Variants in PORCN observed in about 807,000 individuals in gnomAD.
PORCN encodes porcupine O-acyltransferase.
A neutral mutation model predicts 43.0 loss-of-function variants in PORCN; 1 was observed. The observed-to-expected ratio is 0.02, with a 90% CI of 0.01 to 0.11. The LOEUF is 0.11. Among genes scored for constraint, PORCN ranks in the 10% least tolerant of loss-of-function variants. The probability of loss-of-function intolerance (pLI) is 1.00; values close to 1 mark genes in which losing one functional copy is unlikely to be tolerated. For synonymous variants in PORCN, 148 were observed against 166.4 expected (o/e 0.89, Z 0.85); for missense variants, 240 against 392.1 (o/e 0.61, Z 3.28).
At chrX:48,509,657 A>G in intron 1 of PORCN, 127 bp from the exon 2 acceptor site, 1 of 1,149,416 alleles carries the variant, frequency 8.7e-7, no homozygotes, top group Non-Finnish European at 1.2e-6. Flanking sequence ...GCCTTCCCCC[A>G]GTCCTCCAGT....
chrX:48,520,271 C>T lies in PORCN; in HGVS notation c.1285-104C>T, dbSNP rs186695261. ...ATGTACCTAGGCCCTTCTGCGGGGC[C>T]TCGCCTAGAGCAGTCACAGAAATGT... On this transcript the variant is annotated intron_variant, in intron 14 of 14. Coordinates refer to ENST00000326194, the MANE Select transcript of PORCN (RefSeq NM_203475.3). The T allele has an allele frequency of 8.1e-5, 49 of 604,764 alleles. No homozygotes were observed. The South Asian group carries it at 8.3e-4, about 10-fold the overall frequency. The allele number at this position is 604,764 out of a possible 1,213,427, so 49.8% of individuals were successfully genotyped here.
Position 48,518,820 on chromosome X carries a change from C to CT in PORCN, c.1284+1539dup, listed in dbSNP as rs1250444861. Among the ~76,000 whole-genome samples, 660 of 101,083 alleles carry CT rather than the reference C, an allele frequency of 6.5e-3. 1 individual carries two copies. The highest frequency in any genetic ancestry group is 0.014 in the African/African-American group (386 of 28,074). The allele number at this position is 101,083 out of a possible 115,157, so 87.8% of individuals were successfully genotyped here. On this transcript the variant is annotated intron_variant, in intron 14 of 14. Coordinates refer to ENST00000326194, the MANE Select transcript of PORCN (RefSeq NM_203475.3). ...TGTGCAAAATCTGGGATTTGCTTTTCTTTTTTTTTTTTGAGACACGGTCTC... is the reference window on the plus strand; with the variant it reads ...TGTGCAAAATCTGGGATTTGCTTTTCTTTTTTTTTTTTTGAGACACGGTCTC...
rs1556975122 is a variant in PORCN at position 48,515,747 on chromosome X, C to T, written c.977C>T (p.Thr326Ile). ...TTCAAGAATGCTCTCCGCCTGGGGA[C>T]CTTCTCGGCTGTGCTGGTCACCTAT... The part of the protein sequence containing the change: ...YVFKNALRLG[T>I]FSAVLVTYAA... The change falls in exon 11 of 15, where the codon ACC becomes ATC. Residue 326 changes from threonine (T) to isoleucine (I), a missense_variant. Physicochemically the swap from Thr to Ile is moderately conservative, Grantham distance 89. Coordinates refer to ENST00000326194, the MANE Select transcript of PORCN (RefSeq NM_203475.3). 8.3e-7 allele frequency: 1 copy of T among 1,207,596 alleles called. No individual in the cohort carries two copies. The highest frequency in any genetic ancestry group is 1.8e-5 in the African/African-American group (1 of 56,462).
Position 48,520,490 on chromosome X carries a change from ACCCTCATAACCCTCTTAAGAC to A in PORCN, c.*20_*40del, listed in dbSNP as rs1207506905. On this transcript the variant is annotated 3_prime_UTR_variant, in exon 15 of 15. Transcript: ENST00000326194. ...CTCATAGGCTGAGGCACATCTGTGG[ACCCTCATAACCCTCTTAAGAC>A]CCCTCTCAGGGTGCCACTGATGGGG... 6 of 1,131,746 alleles carry A rather than the reference ACCCTCATAACCCTCTTAAGAC, an allele frequency of 5.3e-6. No homozygotes were observed. The highest frequency in any genetic ancestry group is 1.8e-5 in the African/African-American group (1 of 55,243). The allele number at this position is 1,131,746 out of a possible 1,213,427, so 93.3% of individuals were successfully genotyped here. A position where few individuals can be genotyped will look rare whatever the true frequency, so the allele number is the denominator to read the frequency against.
chrX:48,519,157 A>G (rs970910022), intron 14 of PORCN, among the ~76,000 whole-genome samples: 2 of 110,938 alleles, frequency 1.8e-5, no homozygotes, highest in South Asian at 3.8e-4. Context: ...GGGTTTCACC[A>G]TGTTAGCCAG....
At position 48,509,837 on chromosome X, in the gene PORCN, G is replaced by A. The variant is rs1409621929; in HGVS notation, c.17G>A (p.Arg6His). 1.7e-6 allele frequency: 2 copies of A among 1,209,529 alleles called. No homozygotes were observed. The highest frequency in any genetic ancestry group is 3.5e-5 in the African/African-American group (2 of 57,159). Residue 6 changes from arginine to histidine, a missense_variant, in exon 2 of 15, where the codon CGC (arginine) becomes CAC (histidine). By Grantham distance (29) the Arg-to-His change is conservative. Coordinates refer to ENST00000326194, the MANE Select transcript of PORCN (RefSeq NM_203475.3). Reference sequence around the variant, plus strand: ...GGGTCTGCAATGGCCACCTTTAGCCGCCAGGAATTTTTCCAGCAGCTACTG... The same window carrying A: ...GGGTCTGCAATGGCCACCTTTAGCCACCAGGAATTTTTCCAGCAGCTACTG... The part of the protein sequence containing the change: MATFS[R>H]QEFFQQLLQG...
At chrX:48,514,487 A>C in intron 9 of PORCN, 38 bp from the exon 10 acceptor site, 3 of 1,192,374 alleles carry the variant, frequency 2.5e-6, no homozygotes, top group Non-Finnish European at 3.4e-6. Flanking sequence ...AGATGAGTTG[A>C]GATCCCAAAT....
At chrX:48,514,409 G>C (rs1322612695) in intron 9 of PORCN, 44 bp downstream of exon 9, 6 of 1,198,997 alleles carry the variant, frequency 5.0e-6, no homozygotes, top group Non-Finnish European at 6.8e-6. Flanking sequence ...GTGCTGCCTA[G>C]AGGAGCTGCA....
At chrX:48,513,066 T>C (rs1479146277) in intron 7 of PORCN, among the ~76,000 whole-genome samples, 2 of 112,587 alleles carry the variant, frequency 1.8e-5, no homozygotes, top group East Asian at 2.8e-4. Context: ...GTCCATCTGT[T>C]CAGCTGTCTC....
At chrX:48,514,687 C>T in intron 10 of PORCN, 62 bp downstream of exon 10, 5 of 940,163 alleles carry the variant, frequency 5.3e-6, no homozygotes, top group Non-Finnish European at 7.7e-6. Flanking sequence ...TACATTCATA[C>T]AACATTTACT....
chrX:48,512,565 T>C, intron 5 of PORCN, 24 bp from the exon 6 acceptor site: 1 of 1,210,019 alleles, frequency 8.3e-7, no homozygotes, highest in Non-Finnish European at 1.1e-6. Flanking sequence ...GGGGCAGCAC[T>C]CATGGAGTGC....
At chrX:48,511,835 C>T (rs1209841850) in intron 3 of PORCN, 57 bp from the exon 4 acceptor site, 22 of 1,090,742 alleles carry the variant, frequency 2.0e-5, no homozygotes, top group Middle Eastern at 2.4e-4. Flanking sequence ...CCCCTGTCCC[C>T]CATGGTCTCA....
chrX:48,512,740 C>T, intron 6 of PORCN, 21 bp downstream of exon 6: 3 of 1,212,371 alleles, frequency 2.5e-6, no homozygotes, highest in Non-Finnish European at 3.3e-6. Flanking sequence ...CCTTCGAGGC[C>T]CCTGCCCAGC....
chrX:48,513,765 T>C (rs1257306882), intron 7 of PORCN, among the ~76,000 whole-genome samples: 1 of 112,377 alleles, frequency 8.9e-6, no homozygotes, highest in Non-Finnish European at 1.9e-5. Flanking sequence ...CAGGGATTTT[T>C]GGCTGTCCTG....
At position 48,511,458 on chromosome X, in the gene PORCN, C is replaced by A; in HGVS notation, c.300C>A (p.Ser100=). The part of the protein sequence containing the change: ...RHSSHRGVFL[S]VTILIYLLMG... ...CCTCCCATCGAGGCGTCTTCCTATCCGTCACCATCCTCATCTACCTACTCA... is the reference window on the plus strand; with the variant it reads ...CCTCCCATCGAGGCGTCTTCCTATCAGTCACCATCCTCATCTACCTACTCA... The change falls in exon 3 of 15, where the codon TCC becomes TCA. Residue 100 remains serine, a synonymous_variant. Coordinates refer to ENST00000326194, the MANE Select transcript of PORCN (RefSeq NM_203475.3). The A allele has an allele frequency of 1.7e-6, 2 of 1,210,662 alleles. No homozygotes were observed. The highest frequency in any genetic ancestry group is 2.2e-6 in the Non-Finnish European group (2 of 894,570).
chrX:48,512,385 G>A lies in PORCN; in HGVS notation c.433G>A (p.Glu145Lys), dbSNP rs1556974116. 12 of 1,210,322 alleles carry A rather than the reference G, an allele frequency of 9.9e-6. No individual in the cohort carries two copies. Among genetic ancestry groups the A allele is most frequent in the South Asian group, 3.5e-5 (2 of 56,838 alleles). Residue 145 changes from glutamate (E) to lysine (K), a missense_variant, in exon 5 of 15, where the codon GAG becomes AAG. By Grantham distance (56) the Glu-to-Lys change is moderately conservative. Coordinates refer to ENST00000326194, the MANE Select transcript of PORCN (RefSeq NM_203475.3). Reference protein sequence around the residue: ...VSLGFDLDRGEVGTVPSPVEF... With the variant: ...VSLGFDLDRGKVGTVPSPVEF... ...TCTGGGCTTCGACCTGGACCGGGGCGAGGTGGGTACGGTGCCCTCGCCAGT... is the reference window on the plus strand; with the variant it reads ...TCTGGGCTTCGACCTGGACCGGGGCAAGGTGGGTACGGTGCCCTCGCCAGT...
At chrX:48,509,353 C>T (rs3810679) in intron 1 of PORCN, 92,695 of 281,446 alleles carry the variant, frequency 0.33, 13,342 homozygotes, top group African/African-American at 0.52. Context: ...CCCGTGCCGC[C>T]GCATCCATAC....
At chrX:48,517,778 C>T (rs2061729670) in intron 14 of PORCN, among the ~76,000 whole-genome samples, 1 of 110,987 alleles carries the variant, frequency 9.0e-6, no homozygotes. Flanking sequence ...CATGCCACTG[C>T]ACTCCAGCCT....
rs2061742903 is a variant in PORCN at position 48,519,421 on chromosome X, C to T, written c.1285-954C>T. Among the ~76,000 whole-genome samples, 4 of 112,180 alleles carry T rather than the reference C, an allele frequency of 3.6e-5. No homozygotes were observed. The South Asian group carries it at 1.5e-3, about 41-fold the overall frequency. On this transcript the variant is annotated intron_variant, in intron 14 of 14. Transcript: ENST00000326194. ...AATCTTCCACATCAGGATATAGTGT[C>T]CTCATTCATTTTTTCCACTATGAGG...
Sources: allele counts gnomAD v4.1 joint callset (sites outside exome capture counted in the v4.1 genomes callset), GRCh38; gene constraint gnomAD v4.1.1; transcripts MANE v1.5; gene names NCBI Gene and HGNC (gene_info 2026-07-23, HGNC 2026-07-21).